The following IMPG1 variants were observed in gnomAD, a reference collection of about 807,000 sequenced individuals.
IMPG1 encodes interphotoreceptor matrix proteoglycan 1, also known as interphotoreceptor matrix proteoglycan of 150 kDa.
A neutral mutation model predicts 92.0 loss-of-function variants in IMPG1; 85 were observed. The observed-to-expected ratio is 0.92, with a 90% CI of 0.78 to 1.11. The LOEUF (loss-of-function observed/expected upper bound fraction) is 1.11. Among genes scored for constraint, IMPG1 ranks in the 50% least tolerant of loss-of-function variants. The pLI is 0.00. For missense variants in IMPG1, 1,022 were observed against 956.0 expected (o/e 1.07, Z -0.91); for synonymous variants, 367 against 334.1 (o/e 1.10, Z -1.08).
intron 15 of IMPG1, among the ~76,000 whole-genome samples, chr6:75,924,249 C>A (rs1281477700): frequency 6.8e-6 from 1 of 147,150 alleles, no homozygotes; most frequent in Non-Finnish European, 1.5e-5. Context: ...GGATATCTAT[C>A]CAAAGAAAAT....
chr6:75,949,961 A>G (rs1781996632), intron 13 of IMPG1, among the ~76,000 whole-genome samples: 1 of 152,128 alleles, frequency 6.6e-6, no homozygotes, highest in South Asian at 2.1e-4. Flanking sequence ...TTCTTATTGT[A>G]TATGTATTTC....
intron 12 of IMPG1, among the ~76,000 whole-genome samples, chr6:75,997,134 T>C (rs562095651): frequency 1.3e-4 from 20 of 152,334 alleles, no homozygotes; most frequent in African/African-American, 4.8e-4. Flanking sequence ...ATCATAAAGA[T>C]TGTATCTAGG....
intron 14 of IMPG1, among the ~76,000 whole-genome samples, chr6:75,943,945 C>G (rs1483902162): frequency 3.3e-5 from 5 of 152,172 alleles, no homozygotes; most frequent in African/African-American, 1.2e-4. Flanking sequence ...TAGTTTTGAT[C>G]CCAGCATAGT....
chr6:75,968,836 G>T (rs567138629), intron 12 of IMPG1, among the ~76,000 whole-genome samples: 2 of 152,178 alleles, frequency 1.3e-5, no homozygotes, highest in African/African-American at 4.8e-5. Context: ...CCAGATGCAG[G>T]ACCCTCGACC....
At chr6:75,979,502 T>C (rs1273876873) in intron 12 of IMPG1, among the ~76,000 whole-genome samples, 1 of 152,212 alleles carries the variant, frequency 6.6e-6, no homozygotes, top group East Asian at 1.9e-4. Context: ...AAGGACAGTC[T>C]TCTATTGTCA....
intron 12 of IMPG1, 66 bp downstream of exon 12, chr6:76,002,852 T>C: frequency 1.2e-5 from 15 of 1,219,014 alleles, no homozygotes; most frequent in Non-Finnish European, 1.7e-5. Context: ...TTTGAGGCAG[T>C]ATCATAATGG....
At position 76,011,194 on chromosome 6, in the gene IMPG1, A is replaced by G; in HGVS notation, c.838T>C (p.Phe280Leu). ...AATCCTAACACATGGATTTTTTTGA[A>G]TCCTGGAAGTTTCTTAAATATCTTT... ...MQKIFKKLPGFKKIHVLGFRP... is the reference protein window; with the variant it reads ...MQKIFKKLPGLKKIHVLGFRP... The change falls in exon 8 of 17, where the codon TTC becomes CTC. Residue 280 changes from phenylalanine to leucine, a missense_variant. Transcript: ENST00000369950. 1 of 1,554,488 alleles carries G rather than the reference A, an allele frequency of 6.4e-7. No homozygotes were observed. Among genetic ancestry groups the G allele is most frequent in the Non-Finnish European group, 8.9e-7 (1 of 1,127,130 alleles).
rs115172597 is a variant in IMPG1 at position 75,980,135 on chromosome 6, A to T, written c.1291+22783T>A. Reference sequence around the variant, plus strand: ...CTTACGGAATGGTGGATATTTAAAAAGATGTGCCACAAAATGTGAAAATTT... The same window carrying T: ...CTTACGGAATGGTGGATATTTAAAATGATGTGCCACAAAATGTGAAAATTT... On this transcript the variant is annotated intron_variant, in intron 12 of 16. Transcript: ENST00000369950. Among the ~76,000 whole-genome samples, 1,128 of 152,338 alleles carry T rather than the reference A, an allele frequency of 7.4e-3. 15 individuals are homozygous for T. The highest frequency in any genetic ancestry group is 0.026 in the African/African-American group (1,066 of 41,566).
chr6:75,922,975 C>T (rs1222284316), intron 16 of IMPG1, among the ~76,000 whole-genome samples: 1 of 151,880 alleles, frequency 6.6e-6, no homozygotes, highest in Non-Finnish European at 1.5e-5. Flanking sequence ...TTGTTTCTAT[C>T]AAAGACTATA....
At chr6:75,995,566 T>C (rs1267416137) in intron 12 of IMPG1, among the ~76,000 whole-genome samples, 6 of 152,240 alleles carry the variant, frequency 3.9e-5, no homozygotes, top group Non-Finnish European at 8.8e-5. Context: ...AGTTTAAACA[T>C]TGTTTCCTTA....
At chr6:75,959,956 C>T (rs1385501043) in intron 12 of IMPG1, among the ~76,000 whole-genome samples, 1 of 152,192 alleles carries the variant, frequency 6.6e-6, no homozygotes, top group Non-Finnish European at 1.5e-5. Context: ...GCTCAAACGG[C>T]TGCCCAGTTT....
rs560092787 is a variant in IMPG1, at chr6:76,022,149, A to G, written c.633T>C (p.Asp211=). The G allele has an allele frequency of 3.1e-6, 5 of 1,596,570 alleles. No homozygotes were observed. The Admixed American group carries it at 6.7e-5, about 21-fold the overall frequency. The part of the protein sequence containing the change: ...PDDTLLNEIL[D]NTLNDTKMPT... ...GCATCTTGGTGTCGTTGAGTGTATT[A>G]TCGAGAATTTCATTGAGGAGGGTGT... is the stretch of plus-strand genomic sequence containing the variant. Residue 211 remains aspartate, a synonymous_variant, in exon 6 of 17, where the codon GAT becomes GAC. Coordinates refer to ENST00000369950, the MANE Select transcript of IMPG1 (RefSeq NM_001563.4).
chr6:76,039,411 A>T (rs551094445), intron 2 of IMPG1, among the ~76,000 whole-genome samples: 4 of 148,080 alleles, frequency 2.7e-5, no homozygotes, highest in Non-Finnish European at 4.4e-5. Context: ...GATGGAGTGC[A>T]GTGACGTGAT....
chr6:75,930,421 G>C (rs1005191767), intron 15 of IMPG1, among the ~76,000 whole-genome samples: 1 of 152,104 alleles, frequency 6.6e-6, no homozygotes, highest in Admixed American at 6.5e-5. Flanking sequence ...TTAATGTGTG[G>C]AATTAACTGA....
intron 4 of IMPG1, among the ~76,000 whole-genome samples, chr6:76,026,206 A>G (rs1005555877): frequency 3.3e-5 from 5 of 151,966 alleles, no homozygotes; most frequent in African/African-American, 1.2e-4. Flanking sequence ...TGCTTTACTC[A>G]CCCTTCAAAC....
intron 12 of IMPG1, among the ~76,000 whole-genome samples, chr6:75,974,914 G>T (rs540781066): frequency 6.6e-6 from 1 of 152,196 alleles, no homozygotes; most frequent in Non-Finnish European, 1.5e-5. Flanking sequence ...CAGAGGCTTG[G>T]TTTTTATGCA....
At chr6:75,990,313 C>CAATGAAGA (rs1226347596) in intron 12 of IMPG1, among the ~76,000 whole-genome samples, 1 of 152,102 alleles carries the variant, frequency 6.6e-6, no homozygotes, top group African/African-American at 2.4e-5. Flanking sequence ...GGCCAACTAG[C>CAATGAAGA]AATGAAGAGT....
chr6:76,021,344 T>C (rs780816785), intron 6 of IMPG1, among the ~76,000 whole-genome samples: 2 of 152,188 alleles, frequency 1.3e-5, no homozygotes, highest in Non-Finnish European at 2.9e-5. Context: ...CTAAAACGTA[T>C]GAAACCAAGC....
chr6:76,048,811 A>ATACCATTT (rs1364435114), intron 1 of IMPG1, among the ~76,000 whole-genome samples: 1 of 152,236 alleles, frequency 6.6e-6, no homozygotes, highest in African/African-American at 2.4e-5. Flanking sequence ...AAGGACAGAA[A>ATACCATTT]TACCATTTGA....
Sources: allele counts gnomAD v4.1 joint callset (sites outside exome capture counted in the v4.1 genomes callset), GRCh38; gene constraint gnomAD v4.1.1; transcripts MANE v1.5; gene names NCBI Gene and HGNC (gene_info 2026-07-23, HGNC 2026-07-21).